The following PLD5 variants were observed in gnomAD, a reference collection of about 807,000 sequenced individuals.
The protein encoded by PLD5 is inactive phospholipase D5.
In PLD5, 36 loss-of-function variants were observed where a neutral mutation model predicts 61.1. The ratio of observed to expected loss-of-function variants is 0.59; its 90% CI spans 0.45 to 0.78. PLD5 has a LOEUF of 0.78. Among genes scored for constraint, PLD5 ranks in the 30% least tolerant of loss-of-function variants. The pLI, the probability that PLD5 is intolerant of heterozygous loss-of-function variation, is 0.00. For synonymous variants in PLD5, 243 were observed against 242.8 expected, an observed-to-expected ratio of 1.00 and a Z score of -0.01; for missense variants, 515 against 644.4, an observed-to-expected ratio of 0.80 and a Z score of 2.17.
At chr1:242,262,511 C>A in intron 4 of PLD5, among the ~76,000 whole-genome samples, 1 of 152,262 alleles carries the variant, frequency 6.6e-6, no homozygotes, top group East Asian at 1.9e-4. Flanking sequence ...GTGATAATAA[C>A]CATGTGGTGG....
At chr1:242,459,213 A>G (rs769573211) in intron 1 of PLD5, among the ~76,000 whole-genome samples, 3 of 152,228 alleles carry the variant, frequency 2.0e-5, no homozygotes, top group African/African-American at 4.8e-5. Flanking sequence ...TTTCAATATA[A>G]TAAGTCTGTT....
chr1:242,492,012 T>C (rs1284458617), intron 1 of PLD5, among the ~76,000 whole-genome samples: 1 of 152,246 alleles, frequency 6.6e-6, no homozygotes, highest in Non-Finnish European at 1.5e-5. Flanking sequence ...CACAATCTTT[T>C]TTATCTGTAT....
chr1:242,150,304 T>C (rs1664840553), intron 5 of PLD5, among the ~76,000 whole-genome samples: 1 of 151,806 alleles, frequency 6.6e-6, no homozygotes, highest in African/African-American at 2.4e-5. Context: ...CAGTGTTCTA[T>C]AAACATTGGT....
chr1:242,096,400 G>A lies in PLD5; in HGVS notation c.1354+4268C>T, dbSNP rs183584824. 2.0e-5 allele frequency among the ~76,000 whole-genome samples: 3 copies of A among 152,100 alleles called. No individual in the cohort carries two copies. The East Asian group carries it at 5.8e-4, about 29-fold the overall frequency. On this transcript the variant is annotated intron_variant, in intron 9 of 9. Coordinates refer to ENST00000536534, the MANE Select transcript of PLD5 (RefSeq NM_001372062.1). ...TCTGCCACCCAGGCTGGAGTGCAAT[G>A]GCGCAATCTTGGTTCACCGCAACCT... is the stretch of plus-strand genomic sequence containing the variant.
chr1:242,322,550 C>T (rs914248163), intron 2 of PLD5, among the ~76,000 whole-genome samples: 1 of 152,030 alleles, frequency 6.6e-6, no homozygotes, highest in African/African-American at 2.4e-5. Flanking sequence ...GTTCTGTGTC[C>T]CCACCCAAAT....
chr1:242,293,875 T>C (rs1176509295), intron 2 of PLD5, among the ~76,000 whole-genome samples: 2 of 152,190 alleles, frequency 1.3e-5, no homozygotes, highest in Non-Finnish European at 2.9e-5. Context: ...AAAAGGTCTC[T>C]AAAAACCAGC....
At chr1:242,121,711 A>G (rs1282311099) in intron 6 of PLD5, among the ~76,000 whole-genome samples, 1 of 152,058 alleles carries the variant, frequency 6.6e-6, no homozygotes, top group African/African-American at 2.4e-5. Flanking sequence ...TCAATGATAG[A>G]CTGGATTAAG....
chr1:242,120,481 T>C (rs1437372218), intron 6 of PLD5, among the ~76,000 whole-genome samples: 1 of 152,000 alleles, frequency 6.6e-6, no homozygotes, highest in Non-Finnish European at 1.5e-5. Context: ...AGGGTAAATT[T>C]TATGGTGTGT....
Position 242,086,881 on chromosome 1 carries a change from G to C in PLD5, c.*2973C>G, listed in dbSNP as rs1355174004. On this transcript the variant is annotated 3_prime_UTR_variant, in exon 10 of 10. Coordinates refer to ENST00000536534, the MANE Select transcript of PLD5 (RefSeq NM_001372062.1). Reference sequence around the variant, plus strand: ...AATGTTAATGGGGAGTAGTCACCCTGCTCCTCATAATTTCTGGCATGGACA... The same window carrying C: ...AATGTTAATGGGGAGTAGTCACCCTCCTCCTCATAATTTCTGGCATGGACA... 1 of 152,012 alleles carries C rather than the reference G, an allele frequency of 6.6e-6. No homozygotes were observed. The highest frequency in any genetic ancestry group is 6.5e-5 in the Admixed American group (1 of 15,270). The allele number at this position is 152,012 out of a possible 1,614,324, so 9.4% of individuals were successfully genotyped here. A position where few individuals can be genotyped will look rare whatever the true frequency, so the allele number is the denominator to read the frequency against.
intron 5 of PLD5, among the ~76,000 whole-genome samples, chr1:242,168,552 G>A (rs1033360676): frequency 6.6e-6 from 1 of 152,146 alleles, no homozygotes; most frequent in East Asian, 1.9e-4. Flanking sequence ...TATTTATGAA[G>A]TAAGAGGCTC....
chr1:242,317,403 A>T (rs1034653257), intron 2 of PLD5, among the ~76,000 whole-genome samples: 1 of 152,238 alleles, frequency 6.6e-6, no homozygotes, highest in African/African-American at 2.4e-5. Context: ...ATTTTAAATT[A>T]TCTAACACAT....
intron 5 of PLD5, among the ~76,000 whole-genome samples, chr1:242,200,843 A>C (rs1668947803): frequency 6.6e-6 from 1 of 152,208 alleles, no homozygotes; most frequent in South Asian, 2.1e-4. Context: ...ATTTCTAAAA[A>C]ATACAAAGCT....
At chr1:242,334,970 T>G (rs1659415838) in intron 2 of PLD5, among the ~76,000 whole-genome samples, 2 of 152,228 alleles carry the variant, frequency 1.3e-5, no homozygotes, top group African/African-American at 4.8e-5. Context: ...TTTGCATCCC[T>G]ATTTCTTCTA....
intron 1 of PLD5, among the ~76,000 whole-genome samples, chr1:242,439,712 A>G (rs1408116274): frequency 6.6e-6 from 1 of 152,154 alleles, no homozygotes; most frequent in African/African-American, 2.4e-5. Flanking sequence ...GTATAAACGA[A>G]TGCATTTGTC....
At chr1:242,358,223 G>A (rs147518286) in intron 1 of PLD5, among the ~76,000 whole-genome samples, 6,080 of 151,946 alleles carry the variant, frequency 0.04, 287 homozygotes, top group African/African-American at 0.11. Flanking sequence ...AAATTTTTTT[G>A]TCATTTCATA....
intron 5 of PLD5, among the ~76,000 whole-genome samples, chr1:242,163,788 A>G (rs1382460875): frequency 6.6e-6 from 1 of 151,840 alleles, no homozygotes; most frequent in Non-Finnish European, 1.5e-5. Flanking sequence ...AGAAAGGAGA[A>G]GAGAAGATGA....
At chr1:242,328,524 G>C (rs1320301394) in intron 2 of PLD5, among the ~76,000 whole-genome samples, 1 of 152,028 alleles carries the variant, frequency 6.6e-6, no homozygotes, top group Non-Finnish European at 1.5e-5. Flanking sequence ...ACATATTTAT[G>C]TGTTCTATAA....
chr1:242,411,291 A>C (rs555118980), intron 1 of PLD5, among the ~76,000 whole-genome samples: 1 of 152,312 alleles, frequency 6.6e-6, no homozygotes, highest in East Asian at 1.9e-4. Flanking sequence ...GCTGGAGTGC[A>C]GTGGCACGAT....
At chr1:242,099,293 T>A (rs1335776458) in intron 9 of PLD5, among the ~76,000 whole-genome samples, 2 of 151,948 alleles carry the variant, frequency 1.3e-5, no homozygotes, top group Non-Finnish European at 2.9e-5. Context: ...CAGCAAATTT[T>A]TTTGGTATTT....
Sources: gnomAD v4.1 joint callset for allele counts (sites outside exome capture counted in the v4.1 genomes callset) on GRCh38, gnomAD v4.1.1 for gene constraint, MANE v1.5 for transcripts, NCBI Gene and HGNC (gene_info 2026-07-23, HGNC 2026-07-21) for gene names.